Variants in FAM167A observed in about 807,000 individuals in gnomAD.
The protein encoded by FAM167A is family with sequence similarity 167 member A, also known as protein FAM167A.
Under a neutral mutation model 14.9 loss-of-function variants are expected in FAM167A, and 23 were observed. The observed-to-expected ratio is 1.55, with a 90% CI of 1.11 to 2.19. The LOEUF (loss-of-function observed/expected upper bound fraction) is 2.19, where lower values mean the gene tolerates loss of function less well. FAM167A is among the 30% of genes most tolerant of loss of function. FAM167A has a pLI of 0.00. For missense variants in FAM167A, 401 were observed against 281.5 expected, an observed-to-expected ratio of 1.42 and a Z score of -3.04; for synonymous variants, 174 against 117.7, an observed-to-expected ratio of 1.48 and a Z score of -3.10.
chr8:11,424,712 G>T (rs148850114), intron 2 of FAM167A, 76 bp from the exon 3 acceptor site: 19 of 1,556,156 alleles, frequency 1.2e-5, no homozygotes, highest in Middle Eastern at 2.2e-4. Context: ...GGTTAGCAGG[G>T]CCCTGACTAA....
intron 2 of FAM167A, among the ~76,000 whole-genome samples, chr8:11,437,593 G>C (rs905460725): frequency 3.3e-5 from 5 of 152,186 alleles, no homozygotes; most frequent in Non-Finnish European, 7.4e-5. Flanking sequence ...TAATGAGCCA[G>C]TTGTATTAGA....
chr8:11,421,568 T>G lies in FAM167A; in HGVS notation c.*2805A>C, dbSNP rs1256499899. 1 of 397,520 alleles carries G rather than the reference T, an allele frequency of 2.5e-6. No homozygotes were observed. The highest frequency in any genetic ancestry group is 4.4e-6 in the Non-Finnish European group (1 of 225,728). 24.6% of individuals were successfully genotyped at this position (397,520 alleles called of 1,614,324 possible). ...AACAAATAATCATAAAAAATAAAAGTATAAATCGTCCATTGATTATGTAAT... is the reference window on the plus strand; with the variant it reads ...AACAAATAATCATAAAAAATAAAAGGATAAATCGTCCATTGATTATGTAAT... On this transcript the variant is annotated 3_prime_UTR_variant, in exon 3 of 3. Coordinates refer to ENST00000284486, the MANE Select transcript of FAM167A (RefSeq NM_053279.3).
At chr8:11,430,305 C>T (rs114228562) in intron 2 of FAM167A, among the ~76,000 whole-genome samples, 1,547 of 152,260 alleles carry the variant, frequency 0.01, 17 homozygotes, top group African/African-American at 0.035. Context: ...ACAGGGTGTC[C>T]CCACCAGGCT....
chr8:11,442,734 G>A (rs1200626374), intron 2 of FAM167A, among the ~76,000 whole-genome samples: 1 of 151,918 alleles, frequency 6.6e-6, no homozygotes, highest in Non-Finnish European at 1.5e-5. Context: ...GCACCCCAGA[G>A]ATATGGCTCA....
intron 1 of FAM167A, among the ~76,000 whole-genome samples, chr8:11,475,519 C>T (rs1404228358): frequency 6.6e-6 from 1 of 151,976 alleles, no homozygotes; most frequent in Admixed American, 6.6e-5. Flanking sequence ...AGAAATCAAG[C>T]AGAAGCCAAG....
At chr8:11,472,437 G>GTT (rs113039104), upstream of FAM167A, among the ~76,000 whole-genome samples, 33,369 of 122,292 alleles carry the variant, frequency 0.27, 4,939 homozygotes, top group Middle Eastern at 0.36. Flanking sequence ...TGTTTTTTGG[G>GTT]TTTTTTTTTT....
At chr8:11,434,528 G>C (rs1265563105) in intron 2 of FAM167A, among the ~76,000 whole-genome samples, 1 of 152,192 alleles carries the variant, frequency 6.6e-6, no homozygotes, top group Non-Finnish European at 1.5e-5. Context: ...CCAGAGCCAG[G>C]CATAGAGCAG....
At position 11,429,460 on chromosome 8, in the gene FAM167A, G is replaced by A. The variant is rs1023454668; in HGVS notation, c.382-4824C>T. Among the ~76,000 whole-genome samples, 6 of 152,190 alleles carry A rather than the reference G, an allele frequency of 3.9e-5. No homozygotes were observed. The East Asian group carries it at 7.7e-4, about 20-fold the overall frequency. ...CTGTTTTCCCTTCAAGCTCTGCCAA[G>A]GGGCCCCCTGGAGGCGGGGATGACA... On this transcript the variant is annotated intron_variant, in intron 2 of 2. Transcript: ENST00000284486.
chr8:11,462,609 C>T (rs2117150648), intron 1 of FAM167A, among the ~76,000 whole-genome samples: 1 of 151,616 alleles, frequency 6.6e-6, no homozygotes, highest in East Asian at 1.9e-4. Context: ...TGCACGCTCC[C>T]TGAGGGCACG....
At chr8:11,462,258 G>A (rs1471916280) in intron 1 of FAM167A, among the ~76,000 whole-genome samples, 1 of 152,194 alleles carries the variant, frequency 6.6e-6, no homozygotes. Context: ...CGGGTGTCGG[G>A]GGACGTGGGT....
chr8:11,462,251 G>C (rs1807570394), intron 1 of FAM167A, among the ~76,000 whole-genome samples: 1 of 152,218 alleles, frequency 6.6e-6, no homozygotes, highest in African/African-American at 2.4e-5. Context: ...GCAGAGCCGG[G>C]TGTCGGGGGA....
intron 2 of FAM167A, among the ~76,000 whole-genome samples, chr8:11,442,880 TAATC>T (rs1260582715): frequency 6.6e-6 from 1 of 152,258 alleles, no homozygotes; most frequent in East Asian, 1.9e-4. Context: ...GGCTTCCAAT[TAATC>T]AGTCAGATCC....
In FAM167A at chr8:11,423,228, A is replaced by C. The variant is rs3021510; in HGVS notation, c.*1145T>G. ...CCCCTGCCATGCCGTATGACCCCAG[A>C]CTGACCTCCCTAACCTGCTGGGGTC... On this transcript the variant is annotated 3_prime_UTR_variant, in exon 3 of 3. Transcript: ENST00000284486. The C allele has an allele frequency of 6.6e-6, 1 of 152,116 alleles. No individual in the cohort carries two copies. Among genetic ancestry groups the C allele is most frequent in the Non-Finnish European group, 1.5e-5 (1 of 68,016 alleles). The allele number at this position is 152,116 out of a possible 1,614,324, so 9.4% of individuals were successfully genotyped here. A position where few individuals can be genotyped will look rare whatever the true frequency, so the allele number is the denominator to read the frequency against.
At chr8:11,458,651 C>G (rs981964864) in intron 1 of FAM167A, among the ~76,000 whole-genome samples, 23 of 152,148 alleles carry the variant, frequency 1.5e-4, no homozygotes, top group African/African-American at 4.8e-4. Flanking sequence ...GATTTAAACA[C>G]AGACACTTGG....
At position 11,450,780 on chromosome 8, in the gene FAM167A, G is replaced by A. The variant is rs148912806; in HGVS notation, c.-397-5972C>T. ...CTGAGCCAGCCTGGATGGGCTCAGA[G>A]AGGCAGAAAAAGACACCCAGGCTTC... On this transcript the variant is annotated intron_variant, in intron 1 of 2. Transcript: ENST00000284486. 8.4e-4 allele frequency among the ~76,000 whole-genome samples: 128 copies of A among 152,318 alleles called. 1 individual carries two copies. In the Middle Eastern group the frequency reaches 0.014, roughly 16 times the overall value.
intron 1 of FAM167A, chr8:11,445,327 C>G: frequency 1.0e-6 from 1 of 986,212 alleles, no homozygotes; most frequent in Non-Finnish European, 1.2e-6. Context: ...CTCACCACCT[C>G]CACCCACCAC....
chr8:11,434,640 A>C (rs923093430), intron 2 of FAM167A, among the ~76,000 whole-genome samples: 1 of 152,104 alleles, frequency 6.6e-6, no homozygotes, highest in Non-Finnish European at 1.5e-5. Context: ...GGGCCAAACT[A>C]CACACCTTCA....
At chr8:11,426,510 C>T (rs1189603557) in intron 2 of FAM167A, among the ~76,000 whole-genome samples, 2 of 152,092 alleles carry the variant, frequency 1.3e-5, no homozygotes, top group African/African-American at 4.8e-5. Flanking sequence ...TTTCCCAAAC[C>T]CACTGTAAAC....
chr8:11,469,305 A>G (rs1353983991), upstream of FAM167A, among the ~76,000 whole-genome samples: 4 of 152,220 alleles, frequency 2.6e-5, no homozygotes, highest in African/African-American at 9.7e-5. Flanking sequence ...TTCTACAATG[A>G]ATCGTTTTGT....
Sources: allele counts gnomAD v4.1 joint callset (sites outside exome capture counted in the v4.1 genomes callset), GRCh38; gene constraint gnomAD v4.1.1; transcripts MANE v1.5; gene names NCBI Gene and HGNC (gene_info 2026-07-23, HGNC 2026-07-21).